Variants in FHIT observed in about 807,000 individuals in gnomAD.
FHIT encodes the protein bis(5'-adenosyl)-triphosphatase.
A neutral mutation model predicts 17.9 loss-of-function variants in FHIT; 19 were observed. The ratio of observed to expected loss-of-function variants is 1.06; its 90% CI spans 0.74 to 1.56. The LOEUF is 1.56. Among genes scored for constraint, FHIT ranks in the 40% most tolerant of loss-of-function variants. The probability of loss-of-function intolerance (pLI) is 0.00; values close to 1 mark genes in which losing one functional copy is unlikely to be tolerated. For synonymous variants in FHIT, 81 were observed against 69.7 expected (o/e 1.16, Z -0.81); for missense variants, 248 against 189.2 (o/e 1.31, Z -1.82).
At chr3:60,981,075 G>T (rs1710470761) in intron 3 of FHIT, among the ~76,000 whole-genome samples, 1 of 152,152 alleles carries the variant, frequency 6.6e-6, no homozygotes, top group Non-Finnish European at 1.5e-5. Flanking sequence ...TTCCCAGGGG[G>T]TCATAGCCAA....
rs569592087 is a variant in FHIT, at chr3:60,053,683, G to A, written c.104-39531C>T. On this transcript the variant is annotated intron_variant, in intron 5 of 9. Coordinates refer to ENST00000492590, the MANE Select transcript of FHIT (RefSeq NM_002012.4). Reference sequence around the variant, plus strand: ...TCATTTGAAGACATCCCCCACCCCCGCTTTTTTGCTTTCCTGCAAGTCATA... The same window carrying A: ...TCATTTGAAGACATCCCCCACCCCCACTTTTTTGCTTTCCTGCAAGTCATA... Among the ~76,000 whole-genome samples, 63 of 151,846 alleles carry A rather than the reference G, an allele frequency of 4.1e-4. 1 individual carries two copies. The South Asian group carries it at 0.01, about 25-fold the overall frequency.
chr3:60,504,931 A>C (rs145596730), intron 5 of FHIT, among the ~76,000 whole-genome samples: 11 of 152,358 alleles, frequency 7.2e-5, no homozygotes, highest in African/African-American at 2.6e-4. Context: ...CTTTAAGTTC[A>C]AAGTGGAAGT....
rs546045549 is a variant in FHIT, at chr3:59,763,821, G to A, written c.349-11500C>T. Among the ~76,000 whole-genome samples, 20 of 152,306 alleles carry A rather than the reference G, an allele frequency of 1.3e-4. 1 individual carries two copies. In the South Asian group the frequency reaches 3.5e-3, roughly 27 times the overall value. ...TGGCTGAAGGCAAGTGTCTGAAGGC[G>A]AGTGAGGAAGTTCTCAGATAGAAGG... On this transcript the variant is annotated intron_variant, in intron 8 of 9. Transcript: ENST00000492590.
At chr3:59,899,129 C>T (rs765103644) in intron 8 of FHIT, among the ~76,000 whole-genome samples, 27 of 152,180 alleles carry the variant, frequency 1.8e-4, no homozygotes, top group Admixed American at 9.8e-4. Context: ...CAAAGTGGGA[C>T]CTTGGGCAAC....
chr3:60,455,200 T>C (rs1008876547), intron 5 of FHIT, among the ~76,000 whole-genome samples: 2 of 152,096 alleles, frequency 1.3e-5, no homozygotes, highest in Middle Eastern at 3.2e-3. Flanking sequence ...GATGTTAAAG[T>C]AGAATTCAGA....
intron 4 of FHIT, among the ~76,000 whole-genome samples, chr3:60,682,025 G>C (rs1553697038): frequency 6.6e-6 from 1 of 150,886 alleles, no homozygotes; most frequent in Non-Finnish European, 1.5e-5. Flanking sequence ...GGGCTGGAGT[G>C]CAATGGTGCG....
intron 5 of FHIT, among the ~76,000 whole-genome samples, chr3:60,182,423 T>C (rs1701977430): frequency 6.6e-6 from 1 of 152,186 alleles, no homozygotes; most frequent in Non-Finnish European, 1.5e-5. Flanking sequence ...CTCTCCTTCA[T>C]ATTAGGTTGC....
Position 60,243,366 on chromosome 3 carries a change from C to CA in FHIT, c.104-229215dup, listed in dbSNP as rs1705230289. Among the ~76,000 whole-genome samples, 3 of 152,116 alleles carry CA rather than the reference C, an allele frequency of 2.0e-5. No individual in the cohort carries two copies. The South Asian group carries it at 6.2e-4, about 32-fold the overall frequency. On this transcript the variant is annotated intron_variant, in intron 5 of 9. Coordinates refer to ENST00000492590, the MANE Select transcript of FHIT (RefSeq NM_002012.4). ...CAAACAAAGAAACAAATAACATCAA[C>CA]AAACCACACTCAATTGGTTTCTTCA...
intron 3 of FHIT, among the ~76,000 whole-genome samples, chr3:60,866,257 A>G (rs1394627978): frequency 1.3e-5 from 2 of 152,234 alleles, no homozygotes; most frequent in Non-Finnish European, 2.9e-5. Context: ...ACACTTGTGA[A>G]GTCATTTTCC....
chr3:60,181,194 G>A (rs1001321901), intron 5 of FHIT, among the ~76,000 whole-genome samples: 41 of 141,520 alleles, frequency 2.9e-4, no homozygotes, highest in Non-Finnish European at 5.6e-4. Context: ...TCACCAGGCT[G>A]GAGTGCAGTG....
At chr3:60,552,582 A>C (rs1040344291) in intron 4 of FHIT, among the ~76,000 whole-genome samples, 1 of 152,076 alleles carries the variant, frequency 6.6e-6, no homozygotes, top group African/African-American at 2.4e-5. Flanking sequence ...TGGTGATTCT[A>C]TTCCTAACGT....
At chr3:60,538,275 C>G (rs2036059181) in intron 4 of FHIT, among the ~76,000 whole-genome samples, 1 of 152,116 alleles carries the variant, frequency 6.6e-6, no homozygotes, top group Non-Finnish European at 1.5e-5. Flanking sequence ...AACCACTGCT[C>G]AACGAAATAA....
chr3:59,887,542 G>T (rs752989480), intron 8 of FHIT, among the ~76,000 whole-genome samples: 25 of 152,046 alleles, frequency 1.6e-4, no homozygotes, highest in Non-Finnish European at 2.9e-4. Flanking sequence ...GCACAAACAG[G>T]GTACTAATTA....
intron 5 of FHIT, among the ~76,000 whole-genome samples, chr3:60,041,296 C>T (rs901656716): frequency 3.3e-5 from 5 of 152,094 alleles, no homozygotes; most frequent in African/African-American, 1.2e-4. Flanking sequence ...TGATAATGAC[C>T]TTTGAGGAGA....
chr3:60,769,898 T>C (rs1699984105), intron 4 of FHIT, among the ~76,000 whole-genome samples: 1 of 152,248 alleles, frequency 6.6e-6, no homozygotes, highest in Admixed American at 6.5e-5. Flanking sequence ...CTTTAGCAGA[T>C]GCAAGAGTGT....
chr3:59,945,434 CAT>C (rs1706752000), intron 7 of FHIT, among the ~76,000 whole-genome samples: 1 of 151,956 alleles, frequency 6.6e-6, no homozygotes, highest in Admixed American at 6.6e-5. Flanking sequence ...TTGTCAGATG[CAT>C]AGTTTGCAAA....
At chr3:60,128,731 C>T (rs185126441) in intron 5 of FHIT, among the ~76,000 whole-genome samples, 1 of 152,266 alleles carries the variant, frequency 6.6e-6, no homozygotes, top group East Asian at 1.9e-4. Flanking sequence ...TTAGCAGAGT[C>T]TGTGATTTGG....
intron 4 of FHIT, among the ~76,000 whole-genome samples, chr3:60,667,874 A>G (rs1369274916): frequency 6.6e-6 from 1 of 151,930 alleles, no homozygotes; most frequent in Non-Finnish European, 1.5e-5. Flanking sequence ...ATCTGGTTGC[A>G]AGAGGCCACT....
At chr3:59,761,575 G>C (rs1232743731) in intron 8 of FHIT, among the ~76,000 whole-genome samples, 4 of 151,962 alleles carry the variant, frequency 2.6e-5, no homozygotes, top group African/African-American at 9.7e-5. Context: ...ACAAACAGAA[G>C]ATCCCTGCTT....
Sources: gnomAD v4.1 joint callset for allele counts (sites outside exome capture counted in the v4.1 genomes callset) on GRCh38, gnomAD v4.1.1 for gene constraint, MANE v1.5 for transcripts, NCBI Gene and HGNC (gene_info 2026-07-23, HGNC 2026-07-21) for gene names.